Variants in STK32B observed in about 807,000 individuals in gnomAD.
STK32B encodes serine/threonine-protein kinase 32B.
STK32B carries 43 observed loss-of-function variants against 52.6 expected under a neutral mutation model. That is an observed-to-expected ratio of 0.82 (90% confidence interval 0.64 to 1.05). The LOEUF is 1.05. Ranked by LOEUF, STK32B falls within the 50% of genes least tolerant of loss-of-function variation. STK32B has a pLI of 0.00. For synonymous variants in STK32B, 238 were observed against 204.3 expected, an observed-to-expected ratio of 1.17 and a Z score of -1.41; for missense variants, 621 against 534.6, an observed-to-expected ratio of 1.16 and a Z score of -1.59.
Position 5,386,167 on chromosome 4 carries a change from G to A in STK32B, c.435-12040G>A, listed in dbSNP as rs1198618893. Among the ~76,000 whole-genome samples the A allele has an allele frequency of 3.3e-5, 5 of 151,662 alleles. No individual in the cohort carries two copies. Among genetic ancestry groups the A allele is most frequent in the Non-Finnish European group, 7.4e-5 (5 of 67,968 alleles). ...CTTTGTACTCCCTGGACTCTTCCCA[G>A]CCGTCTGTCTCTCACACAGCACCCT... On this transcript the variant is annotated intron_variant, in intron 4 of 11. Transcript: ENST00000282908. This position sits in a 1 kb window ranked among gnomAD's most constrained non-coding sequence, Gnocchi z 4.5.
intron 6 of STK32B, chr4:5,438,218 A>T: frequency 1.2e-6 from 1 of 842,676 alleles, no homozygotes; most frequent in Non-Finnish European, 1.4e-6. Context: ...AGGAACAGGC[A>T]CACACTCTGG....
At chr4:5,437,951 G>C in intron 6 of STK32B, 8 of 985,512 alleles carry the variant, frequency 8.1e-6, no homozygotes, top group Non-Finnish European at 9.6e-6. Flanking sequence ...TGGGGGAGGA[G>C]GGAATGTCAC....
chr4:5,438,031 G>A (rs1192880753), intron 6 of STK32B: 3 of 985,442 alleles, frequency 3.0e-6, no homozygotes, highest in African/African-American at 3.5e-5. Flanking sequence ...CTCTGCTGCT[G>A]CTTCTACCCT....
chr4:5,201,244 G>A (rs189171986), intron 3 of STK32B, among the ~76,000 whole-genome samples: 34 of 152,182 alleles, frequency 2.2e-4, no homozygotes, highest in African/African-American at 7.2e-4. Context: ...CCGAAAGTCA[G>A]TGTTGCTCAC....
At chr4:5,374,109 G>A (rs1417530219) in intron 4 of STK32B, among the ~76,000 whole-genome samples, 1 of 152,202 alleles carries the variant, frequency 6.6e-6, no homozygotes, top group African/African-American at 2.4e-5. Context: ...AGTGAGTGAT[G>A]CAGCCACAAG....
At chr4:5,251,452 A>G (rs1412805889) in intron 3 of STK32B, among the ~76,000 whole-genome samples, 1 of 152,056 alleles carries the variant, frequency 6.6e-6, no homozygotes. Flanking sequence ...GTATTTTTGT[A>G]CCAGTACCAT....
At chr4:5,246,361 G>A (rs548368170) in intron 3 of STK32B, among the ~76,000 whole-genome samples, 3 of 152,138 alleles carry the variant, frequency 2.0e-5, no homozygotes, top group Admixed American at 6.5e-5. Context: ...CCAGTTGATC[G>A]CATTGGTTAC....
At chr4:5,438,573 G>C (rs914592918) in intron 6 of STK32B, among the ~76,000 whole-genome samples, 2 of 152,160 alleles carry the variant, frequency 1.3e-5, no homozygotes, top group African/African-American at 2.4e-5. Context: ...CAGAGGAAGC[G>C]GAGGTTGGAG....
chr4:5,185,658 C>G (rs1483673707), intron 3 of STK32B, among the ~76,000 whole-genome samples: 1 of 152,132 alleles, frequency 6.6e-6, no homozygotes, highest in Non-Finnish European at 1.5e-5. Flanking sequence ...GCAATTGTCC[C>G]TAGCCTGAAC....
chr4:5,434,692 T>G (rs1316032798), intron 6 of STK32B, among the ~76,000 whole-genome samples: 1 of 152,160 alleles, frequency 6.6e-6, no homozygotes, highest in Non-Finnish European at 1.5e-5. Flanking sequence ...ACAAGGTCCT[T>G]GTGAGATAAC....
chr4:5,333,331 T>C (rs1188517112), intron 4 of STK32B, among the ~76,000 whole-genome samples: 2 of 152,230 alleles, frequency 1.3e-5, no homozygotes, highest in African/African-American at 4.8e-5. Flanking sequence ...TGGGGTTGTT[T>C]TTTTCTTGTA....
chr4:5,065,144 G>T (rs992973732), intron 1 of STK32B, among the ~76,000 whole-genome samples: 1 of 152,026 alleles, frequency 6.6e-6, no homozygotes, highest in African/African-American at 2.4e-5. Context: ...CAGTCACTCT[G>T]TGTCAGTCAG....
chr4:5,316,310 ATT>A (rs1491297441), intron 3 of STK32B, among the ~76,000 whole-genome samples: 12 of 58,852 alleles, frequency 2.0e-4, no homozygotes, highest in East Asian at 5.4e-4. Context: ...TAATATATAT[ATT>A]GTATATTATA....
intron 3 of STK32B, among the ~76,000 whole-genome samples, chr4:5,329,024 T>G (rs1005895559): frequency 6.6e-6 from 1 of 152,100 alleles, no homozygotes; most frequent in African/African-American, 2.4e-5. Context: ...AATAAAAACT[T>G]TCTGGGCAAA....
intron 6 of STK32B, chr4:5,438,000 A>G (rs901872435): frequency 9.3e-5 from 92 of 985,508 alleles, no homozygotes; most frequent in Middle Eastern, 1.0e-3. Context: ...TTGTCTGATC[A>G]TGACAGCCAG....
At chr4:5,351,672 A>G (rs1733834609) in intron 4 of STK32B, among the ~76,000 whole-genome samples, 2 of 152,138 alleles carry the variant, frequency 1.3e-5, no homozygotes, top group South Asian at 4.1e-4. Context: ...AACAAAAAAG[A>G]AAGTTGGTTT....
At chr4:5,135,231 C>T (rs370528265) in intron 1 of STK32B, among the ~76,000 whole-genome samples, 56 of 152,196 alleles carry the variant, frequency 3.7e-4, no homozygotes, top group African/African-American at 1.3e-3. Flanking sequence ...ATTAAGATAC[C>T]ATGTACAACA....
chr4:5,201,688 G>C (rs923417889), intron 3 of STK32B, among the ~76,000 whole-genome samples: 1 of 152,154 alleles, frequency 6.6e-6, no homozygotes, highest in East Asian at 1.9e-4. Context: ...ACTTACAATC[G>C]TGGCAGAAGG....
chr4:5,291,317 CTTAT>C (rs1426035956), intron 3 of STK32B, among the ~76,000 whole-genome samples: 119 of 152,040 alleles, frequency 7.8e-4, no homozygotes, highest in African/African-American at 2.8e-3. Context: ...TTATGTATAT[CTTAT>C]TTAATTTTTT....
Sources: gnomAD v4.1 joint callset for allele counts (sites outside exome capture counted in the v4.1 genomes callset) on GRCh38, gnomAD v4.1.1 for gene constraint, Gnocchi (gnomAD v3.1) non-coding constraint, MANE v1.5 for transcripts, NCBI Gene and HGNC (gene_info 2026-07-23, HGNC 2026-07-21) for gene names.